Variants in ALS2 observed in about 807,000 individuals in gnomAD.
The protein encoded by ALS2 is alsin.
ALS2 carries 117 observed loss-of-function variants against 203.4 expected under a neutral mutation model. That is an observed-to-expected ratio of 0.58 (90% CI 0.50 to 0.67). The LOEUF (loss-of-function observed/expected upper bound fraction) is 0.67. Ranked by LOEUF, ALS2 falls within the 30% of genes least tolerant of loss-of-function variation. ALS2 has a pLI of 0.00. For synonymous variants in ALS2, 718 were observed against 725.9 expected, an observed-to-expected ratio of 0.99 and a Z score of 0.17; for missense variants, 1,715 against 1,989.4, an observed-to-expected ratio of 0.86 and a Z score of 2.62.
At chr2:201,707,784 A>C in intron 28 of ALS2, 85 bp downstream of exon 28, 2 of 1,541,680 alleles carry the variant, frequency 1.3e-6, no homozygotes, top group Non-Finnish European at 1.8e-6. Flanking sequence ...AGATCTAGAG[A>C]ACACACTTTC....
intron 8 of ALS2, among the ~76,000 whole-genome samples, chr2:201,749,223 A>AG (rs1692870358): frequency 6.6e-6 from 1 of 152,128 alleles, no homozygotes; most frequent in East Asian, 1.9e-4. Context: ...AACAGTAAAA[A>AG]AAAAAAAAAT....
Position 201,718,209 on chromosome 2 carries a change from C to G in ALS2, c.3704G>C (p.Gly1235Ala). Residue 1235 changes from glycine to alanine, a missense_variant and splice_region_variant, in exon 24 of 34, where the codon GGA (glycine) becomes GCA (alanine). By Grantham distance (60) the Gly-to-Ala change is moderately conservative (BLOSUM62 0). Around this residue, in one of 3 missense-constraint regions of ALS2, gnomAD observed 1,227 missense variants for 1,413.5 expected, o/e 0.87. Coordinates refer to ENST00000264276, the MANE Select transcript of ALS2 (RefSeq NM_020919.4). ...GTCTCCATTTGGCATAGTCAGTGTT[C>G]CCTAGGTAAAGTCAGAGAATAAAAT... is the stretch of plus-strand genomic sequence containing the variant. Reference protein sequence around the residue: ...FSDDWTLSGKGTLTMPNGDYI... With the variant: ...FSDDWTLSGKATLTMPNGDYI... The G allele has an allele frequency of 6.2e-7, 1 of 1,611,972 alleles. No individual in the cohort carries two copies. Among genetic ancestry groups the G allele is most frequent in the Non-Finnish European group, 8.5e-7 (1 of 1,178,178 alleles).
chr2:201,744,486 G>A, intron 9 of ALS2, 57 bp from the exon 10 acceptor site: 1 of 1,544,574 alleles, frequency 6.5e-7, no homozygotes, highest in Admixed American at 1.7e-5. Context: ...TTACTAATTT[G>A]GTATACTGAA....
intron 9 of ALS2, among the ~76,000 whole-genome samples, chr2:201,745,401 A>G (rs1692564153): frequency 2.0e-5 from 3 of 152,124 alleles, no homozygotes; most frequent in Non-Finnish European, 4.4e-5. Flanking sequence ...ATAACTTACT[A>G]GCCAGAAAAA....
At chr2:201,741,368 TAAGTA>T (rs1274226150) in intron 11 of ALS2, 3 of 289,560 alleles carry the variant, frequency 1.0e-5, no homozygotes, top group South Asian at 3.8e-5. Context: ...ACAATTTAGT[TAAGTA>T]AACAAAATTG....
chr2:201,753,076 T>C, intron 7 of ALS2, 70 bp downstream of exon 7: 1 of 1,207,854 alleles, frequency 8.3e-7, no homozygotes. Flanking sequence ...AATCAACAAA[T>C]GAGGGTCCAA....
chr2:201,709,989 ACCAGTGTCTCCACAAGCCTGC>A lies in ALS2; in HGVS notation c.4151_4171del (p.Gly1384_Leu1390del). 1 of 1,613,990 alleles carries A rather than the reference ACCAGTGTCTCCACAAGCCTGC, an allele frequency of 6.2e-7. No homozygotes were observed. The highest frequency in any genetic ancestry group is 8.5e-7 in the Non-Finnish European group (1 of 1,179,884). ...CACGTATGTCATTCTATACACTGCA[ACCAGTGTCTCCACAAGCCTGC>A]CCAGGGGGTGCAGAGGAGTGTCACA... On this transcript the variant is annotated inframe_deletion, in exon 27 of 34. Transcript: ENST00000264276.
At chr2:201,768,277 A>T (rs1176223400) in intron 2 of ALS2, among the ~76,000 whole-genome samples, 1 of 152,238 alleles carries the variant, frequency 6.6e-6, no homozygotes, top group East Asian at 1.9e-4. Flanking sequence ...TAAAGAATAC[A>T]AAACACATAG....
Position 201,718,149 on chromosome 2 carries a change from G to C in ALS2, c.3764C>G (p.Ser1255Cys). Residue 1255 changes from serine to cysteine, a missense_variant, in exon 24 of 34, where the codon TCT (serine) becomes TGT (cysteine). Coordinates refer to ENST00000264276, the MANE Select transcript of ALS2 (RefSeq NM_020919.4). ...GTAGGTTCCAGTGATTTTTATCCCA[G>C]ATCCCCATTCTCCACTAAAATAACC... ...IEGYFSGEWG[S>C]GIKITGTYFK... The C allele has an allele frequency of 6.2e-7, 1 of 1,613,458 alleles. No individual in the cohort carries two copies. The highest frequency in any genetic ancestry group is 8.5e-7 in the Non-Finnish European group (1 of 1,179,478).
At chr2:201,750,429 CT>C (rs2106065940) in intron 7 of ALS2, among the ~76,000 whole-genome samples, 2 of 152,206 alleles carry the variant, frequency 1.3e-5, no homozygotes, top group South Asian at 2.1e-4. Flanking sequence ...CGTATACTGC[CT>C]CTTTTAGAGA....
At position 201,761,405 on chromosome 2, in the gene ALS2, G is replaced by A. The variant is rs980560434; in HGVS notation, c.589C>T (p.His197Tyr). 3 of 1,609,838 alleles carry A rather than the reference G, an allele frequency of 1.9e-6. No homozygotes were observed. The highest frequency in any genetic ancestry group is 4.5e-5 in the East Asian group (2 of 44,784). The change falls in exon 4 of 34, where the codon CAT becomes TAT. Residue 197 changes from histidine (H) to tyrosine (Y), a missense_variant. Coordinates refer to ENST00000264276, the MANE Select transcript of ALS2 (RefSeq NM_020919.4). ...FPVTKPQKVE[H>Y]LAGRVVLQVA... is the part of the protein sequence containing the mutation. ...TGAAGCACCACTCGCCCAGCAAGAT[G>A]TTCTACCTTTTGCGGCTTTGTCACT...
At chr2:201,733,493 A>T in intron 12 of ALS2, 55 bp from the exon 13 acceptor site, 1 of 1,501,150 alleles carries the variant, frequency 6.7e-7, no homozygotes, top group East Asian at 2.3e-5. Context: ...GGTAATATGT[A>T]CATTAAATAA....
intron 23 of ALS2, among the ~76,000 whole-genome samples, chr2:201,719,563 T>C (rs1690629288): frequency 6.6e-6 from 1 of 152,000 alleles, no homozygotes; most frequent in Non-Finnish European, 1.5e-5. Context: ...CACTCCAGGC[T>C]GGGTGACAGA....
rs560416251 is a variant in ALS2, at chr2:201,738,817, T to C, written c.2352-82A>G. The C allele has an allele frequency of 8.0e-5, 94 of 1,170,438 alleles. 1 individual carries two copies. In the South Asian group the frequency reaches 1.0e-3, roughly 13 times the overall value. 72.5% of individuals were successfully genotyped at this position (1,170,438 alleles called of 1,614,324 possible). On this transcript the variant is annotated intron_variant, in intron 11 of 33. Coordinates refer to ENST00000264276, the MANE Select transcript of ALS2 (RefSeq NM_020919.4). ...TTTCCAAACACATACCTGGAATAGA[T>C]AATTCTTGATTATTTCACCAATGAA...
chr2:201,738,404 G>A (rs1692023131), intron 12 of ALS2: 1 of 485,704 alleles, frequency 2.1e-6, no homozygotes, highest in Non-Finnish European at 3.8e-6. Context: ...CTGAGGTAAA[G>A]AGAGTTGTCC....
intron 21 of ALS2, among the ~76,000 whole-genome samples, 184 bp from the exon 22 acceptor site, chr2:201,723,625 T>C (rs1690959628): frequency 6.6e-6 from 1 of 152,204 alleles, no homozygotes; most frequent in African/African-American, 2.4e-5. Flanking sequence ...GACATCTCAC[T>C]CAGTAATCCT....
chr2:201,770,596 G>A (rs1694331296), intron 1 of ALS2, among the ~76,000 whole-genome samples: 1 of 152,186 alleles, frequency 6.6e-6, no homozygotes, highest in Non-Finnish European at 1.5e-5. Context: ...GTTAGGTTGT[G>A]TGATACTAAC....
intron 1 of ALS2, among the ~76,000 whole-genome samples, chr2:201,774,694 A>C (rs1288693214): frequency 6.6e-6 from 1 of 152,226 alleles, no homozygotes; most frequent in Admixed American, 6.5e-5. Context: ...TTTGTGAGTC[A>C]TAAGTATAAT....
In ALS2 at chr2:201,761,255, CTTCT is replaced by C. The variant is rs1064793583; in HGVS notation, c.735_738del (p.Glu246ThrfsTer3). On this transcript the variant is annotated frameshift_variant, in exon 4 of 34. Transcript: ENST00000264276. LOFTEE classifies it high-confidence loss of function. ...TGACTGTCTGATATAATCACATGGT[CTTCT>C]TTGTCAGTCATAGTAATCAAGAGCT... is the stretch of plus-strand genomic sequence containing the variant. 6.2e-7 allele frequency: 1 copy of C among 1,614,166 alleles called. No individual in the cohort carries two copies. The highest frequency in any genetic ancestry group is 8.5e-7 in the Non-Finnish European group (1 of 1,180,044).
Sources: gnomAD v4.1 joint callset for allele counts (sites outside exome capture counted in the v4.1 genomes callset) on GRCh38, gnomAD v4.1.1 for gene constraint, gnomAD v4.1.1 regional missense constraint, MANE v1.5 for transcripts, NCBI Gene and HGNC (gene_info 2026-07-23, HGNC 2026-07-21) for gene names.